CNNM4: variants seen among roughly 807,000 people sequenced by gnomAD.
The protein encoded by CNNM4 is metal transporter CNNM4.
CNNM4 carries 32 observed loss-of-function variants against 53.7 expected under a neutral mutation model. That is an observed-to-expected ratio of 0.60 (90% CI 0.45 to 0.80). The LOEUF (loss-of-function observed/expected upper bound fraction) is 0.80. CNNM4 is among the 30% of genes least tolerant of loss of function. CNNM4 has a pLI of 0.00. For missense variants in CNNM4, 784 were observed against 1,022.0 expected, an observed-to-expected ratio of 0.77 and a Z score of 3.17; for synonymous variants, 410 against 440.0, an observed-to-expected ratio of 0.93 and a Z score of 0.85.
chr2:96,793,491 C>A (rs947032447), intron 1 of CNNM4, among the ~76,000 whole-genome samples: 1 of 152,176 alleles, frequency 6.6e-6, no homozygotes, highest in Non-Finnish European at 1.5e-5. Flanking sequence ...ACATGGTGCT[C>A]AGGGCTGTAC....
chr2:96,771,163 AC>A (rs2078865629), intron 1 of CNNM4, among the ~76,000 whole-genome samples: 1 of 151,808 alleles, frequency 6.6e-6, no homozygotes, highest in African/African-American at 2.4e-5. Context: ...CGCCTCGCTT[AC>A]CCCTCTCCTC....
chr2:96,799,458 T>C (rs751442324), intron 4 of CNNM4, 94 bp from the exon 5 acceptor site: 19 of 1,225,980 alleles, frequency 1.5e-5, no homozygotes, highest in Admixed American at 7.9e-5. Flanking sequence ...CCCTTCCTCC[T>C]GCCCCACTGT....
Position 96,797,109 on chromosome 2 carries a change from CGAG to C in CNNM4, c.1504_1506del (p.Glu502del). The C allele has an allele frequency of 6.2e-7, 1 of 1,614,108 alleles. No individual in the cohort carries two copies. The highest frequency in any genetic ancestry group is 8.5e-7 in the Non-Finnish European group (1 of 1,180,012). On this transcript the variant is annotated inframe_deletion, in exon 2 of 7. Coordinates refer to ENST00000377075, the MANE Select transcript of CNNM4 (RefSeq NM_020184.4). The surrounding 1 kb of genome is among the most constrained non-coding windows in gnomAD (Gnocchi z 6.0). ...GCCTGGTCACCCTGGAGGACGTGAT[CGAG>C]GAGATCATCAAGTCGGAGATCCTGG...
In CNNM4 at chr2:96,762,342, C is replaced by T. The variant is rs1043494533; in HGVS notation, c.1343C>T (p.Pro448Leu). The part of the protein sequence containing the change: ...LKTITRFYNH[P>L]VHFVFHDTKL... ...ACTATCACTCGCTTCTATAACCACC[C>T]GGTGCACTTTGTCTTCCATGACACC... Residue 448 changes from proline (P) to leucine (L), a missense_variant, in exon 1 of 7, where the codon CCG becomes CTG. Pro to Leu is a moderately conservative substitution (Grantham distance 98). Coordinates refer to ENST00000377075, the MANE Select transcript of CNNM4 (RefSeq NM_020184.4). 4 of 1,614,046 alleles carry T rather than the reference C, an allele frequency of 2.5e-6. No homozygotes were observed. Among genetic ancestry groups the T allele is most frequent in the African/African-American group, 2.7e-5 (2 of 74,916 alleles).
chr2:96,798,645 T>C (rs1370882356), intron 3 of CNNM4, among the ~76,000 whole-genome samples: 1 of 152,142 alleles, frequency 6.6e-6, no homozygotes, highest in South Asian at 2.1e-4. Context: ...GGGATATTGA[T>C]GCTGATGCAA....
chr2:96,793,868 T>C (rs1417786279), intron 1 of CNNM4, among the ~76,000 whole-genome samples: 1 of 152,092 alleles, frequency 6.6e-6, no homozygotes, highest in African/African-American at 2.4e-5. Context: ...GGCAGGAGAA[T>C]CGCTTGAACC....
chr2:96,801,685 GCAGA>G lies in CNNM4; in HGVS notation c.1948+2038_1948+2041del, dbSNP rs2079160443. On this transcript the variant is annotated intron_variant, in intron 5 of 6. Coordinates refer to ENST00000377075, the MANE Select transcript of CNNM4 (RefSeq NM_020184.4). The surrounding 1 kb of genome is among the most constrained non-coding windows in gnomAD (Gnocchi z 5.6). ...ACACACACACACACAGAGACCACAC[GCAGA>G]GAGACCACACACACGCAGAGAGACC... Among the ~76,000 whole-genome samples the G allele has an allele frequency of 9.0e-6, 1 of 111,688 alleles. No individual in the cohort carries two copies. The highest frequency in any genetic ancestry group is 3.0e-4 in the South Asian group (1 of 3,388). 73.3% of individuals were successfully genotyped at this position (111,688 alleles called of 152,430 possible). A position where few individuals can be genotyped will look rare whatever the true frequency, so the allele number is the denominator to read the frequency against.
chr2:96,798,767 A>T (rs1023134639), intron 3 of CNNM4, among the ~76,000 whole-genome samples: 1 of 152,098 alleles, frequency 6.6e-6, no homozygotes, highest in African/African-American at 2.4e-5. Context: ...TTACCCCCAT[A>T]TTACAGATGA....
At chr2:96,780,981 T>TA (rs1487536218) in intron 1 of CNNM4, among the ~76,000 whole-genome samples, 2 of 131,454 alleles carry the variant, frequency 1.5e-5, no homozygotes, top group Non-Finnish European at 3.3e-5. Context: ...TCTTTTTTTT[T>TA]TTTTTTTTTT....
rs776095018 is a variant in CNNM4 at position 96,761,104 on chromosome 2, C to A, written c.105C>A (p.Ala35=). ...TGGTGCTGCTGTGGGCGCTGGGGGC[C>A]CGGGGCCAGGGCAGCCCCCAGCAGG... ...VLLVLLWALG[A]RGQGSPQQGT... is the part of the protein sequence containing the mutation. The change falls in exon 1 of 7, where the codon GCC becomes GCA. Residue 35 remains alanine (A), a synonymous_variant. Coordinates refer to ENST00000377075, the MANE Select transcript of CNNM4 (RefSeq NM_020184.4). This position sits in a 1 kb window ranked among gnomAD's most constrained non-coding sequence, Gnocchi z 6.0. The A allele has an allele frequency of 1.1e-5, 17 of 1,543,882 alleles. No individual in the cohort carries two copies. The highest frequency in any genetic ancestry group is 1.3e-5 in the Non-Finnish European group (15 of 1,139,546).
chr2:96,762,116 G>A lies in CNNM4; in HGVS notation c.1117G>A (p.Val373Ile). 4 of 1,614,072 alleles carry A rather than the reference G, an allele frequency of 2.5e-6. No individual in the cohort carries two copies. Among genetic ancestry groups the A allele is most frequent in the Non-Finnish European group, 3.4e-6 (4 of 1,180,022 alleles). ...QGALELRTKT[V>I]EDIMTQLQDC... Reference sequence around the variant, plus strand: ...TGCCCTGGAACTACGGACCAAAACTGTAGAGGATATCATGACCCAGCTCCA... The same window carrying A: ...TGCCCTGGAACTACGGACCAAAACTATAGAGGATATCATGACCCAGCTCCA... The change falls in exon 1 of 7, where the codon GTA (valine) becomes ATA (isoleucine). Residue 373 changes from valine to isoleucine, a missense_variant. Transcript: ENST00000377075.
At chr2:96,786,992 A>G (rs2079021881) in intron 1 of CNNM4, among the ~76,000 whole-genome samples, 1 of 152,138 alleles carries the variant, frequency 6.6e-6, no homozygotes, top group Non-Finnish European at 1.5e-5. Flanking sequence ...AGTCCTTCCT[A>G]CTCTACTGTT....
chr2:96,787,270 G>A (rs2079024015), intron 1 of CNNM4, among the ~76,000 whole-genome samples: 1 of 152,180 alleles, frequency 6.6e-6, no homozygotes, highest in Non-Finnish European at 1.5e-5. Context: ...ACTTCCAACG[G>A]TGGGTAGTTC....
At chr2:96,780,718 TTTTGTTTGTTTTTA>T (rs1429149480) in intron 1 of CNNM4, among the ~76,000 whole-genome samples, 4 of 152,064 alleles carry the variant, frequency 2.6e-5, no homozygotes, top group African/African-American at 9.6e-5. Context: ...AGACAGGTTT[TTTTGTTTGTTTTTA>T]TTTGTTTGTT....
intron 1 of CNNM4, among the ~76,000 whole-genome samples, chr2:96,777,579 C>A (rs1006160271): frequency 6.6e-6 from 1 of 151,980 alleles, no homozygotes; most frequent in Non-Finnish European, 1.5e-5. Flanking sequence ...TGGCTCACTG[C>A]AACCTCCACC....
intron 5 of CNNM4, among the ~76,000 whole-genome samples, chr2:96,803,898 TTTTG>T (rs1486774803): frequency 1.3e-5 from 2 of 152,254 alleles, no homozygotes; most frequent in East Asian, 1.9e-4. Context: ...ACCTCTGTTT[TTTTG>T]TTTGTTTGTT....
At chr2:96,765,827 T>C (rs1003416529) in intron 1 of CNNM4, among the ~76,000 whole-genome samples, 1 of 150,712 alleles carries the variant, frequency 6.6e-6, no homozygotes. Flanking sequence ...GGAGTTTCGC[T>C]CTCATTGCCC....
intron 4 of CNNM4, 130 bp downstream of exon 4, chr2:96,799,356 C>T (rs1244496187): frequency 2.0e-5 from 26 of 1,317,834 alleles, no homozygotes; most frequent in Non-Finnish European, 2.4e-5. Flanking sequence ...TGCCCTTGAG[C>T]CCCGCCTGCC....
chr2:96,770,329 G>A (rs2078857514), intron 1 of CNNM4, among the ~76,000 whole-genome samples: 1 of 152,240 alleles, frequency 6.6e-6, no homozygotes, highest in Non-Finnish European at 1.5e-5. Context: ...CCGAGCAGAT[G>A]TTTAACCTTG....
Sources: gnomAD v4.1 joint callset for allele counts (sites outside exome capture counted in the v4.1 genomes callset) on GRCh38, gnomAD v4.1.1 for gene constraint, Gnocchi (gnomAD v3.1) non-coding constraint, MANE v1.5 for transcripts, NCBI Gene and HGNC (gene_info 2026-07-23, HGNC 2026-07-21) for gene names.